Variants in KCNK2 observed in about 807,000 individuals in gnomAD.
The protein encoded by KCNK2 is potassium channel subfamily K member 2.
Under a neutral mutation model 40.5 loss-of-function variants are expected in KCNK2, and 21 were observed. The observed-to-expected ratio is 0.52, with a 90% CI of 0.37 to 0.75. The LOEUF is 0.75. KCNK2 is among the 30% of genes least tolerant of loss of function. The probability of loss-of-function intolerance (pLI) is 0.00; values close to 1 mark genes in which losing one functional copy is unlikely to be tolerated. For synonymous variants in KCNK2, 191 were observed against 202.2 expected (o/e 0.94, Z 0.47); for missense variants, 399 against 531.6 (o/e 0.75, Z 2.45).
chr1:215,124,558 C>A (rs544983946), intron 2 of KCNK2, 75 bp from the exon 3 acceptor site: 8 of 846,246 alleles, frequency 9.5e-6, no homozygotes, highest in Non-Finnish European at 1.6e-5. Flanking sequence ...TAAGTCATTT[C>A]TGGGGTGGAA....
rs987235938 is a variant in KCNK2, at chr1:215,132,144, C to T, written c.475+7394C>T. Among the ~76,000 whole-genome samples the T allele has an allele frequency of 4.6e-5, 7 of 152,304 alleles. No homozygotes were observed. In the East Asian group the frequency reaches 1.4e-3, roughly 29 times the overall value. ...ACACCGCAAAGCCTATGCTTGTTTT[C>T]AGCAGGGAGTCTAATACCTTTCTTT... On this transcript the variant is annotated intron_variant, in intron 3 of 6. Coordinates refer to ENST00000444842, the MANE Select transcript of KCNK2 (RefSeq NM_001017425.3).
At chr1:215,176,286 G>A (rs779594074) in intron 5 of KCNK2, among the ~76,000 whole-genome samples, 6 of 151,998 alleles carry the variant, frequency 3.9e-5, no homozygotes, top group South Asian at 4.1e-4. Flanking sequence ...AGAAACTTGT[G>A]TGTCTTCTTT....
intron 1 of KCNK2, among the ~76,000 whole-genome samples, chr1:215,069,863 G>A (rs974029779): frequency 7.9e-5 from 12 of 152,164 alleles, no homozygotes; most frequent in African/African-American, 2.9e-4. Flanking sequence ...CAATGTACCC[G>A]AAGTCCCTTG....
intron 2 of KCNK2, among the ~76,000 whole-genome samples, chr1:215,103,174 T>C (rs566776983): frequency 4.6e-5 from 7 of 151,894 alleles, no homozygotes; most frequent in Middle Eastern, 3.4e-3. Context: ...TGGGACGATA[T>C]AGGGAGAGAG....
intron 3 of KCNK2, among the ~76,000 whole-genome samples, chr1:215,168,032 C>A (rs11120514): frequency 0.014 from 2,128 of 151,732 alleles, 51 homozygotes; most frequent in African/African-American, 0.046. Flanking sequence ...AGAAAAAAAA[C>A]CGATAAAAAA....
chr1:215,148,369 C>G (rs1662531445), intron 3 of KCNK2, among the ~76,000 whole-genome samples: 1 of 151,898 alleles, frequency 6.6e-6, no homozygotes, highest in Admixed American at 6.6e-5. Context: ...CCCACCATGC[C>G]TGTACATTAA....
rs113803498 is a variant in KCNK2 at position 215,172,316 on chromosome 1, G to A, written c.823+133G>A. On this transcript the variant is annotated intron_variant, in intron 5 of 6. Transcript: ENST00000444842. ...TGACATACCCAAGTACCATAAAGTG[G>A]GTGGCTTTAAACAAAGCAAATTCAT... 469 of 769,388 alleles carry A rather than the reference G, an allele frequency of 6.1e-4. 5 individuals carry two copies. In the African/African-American group the frequency reaches 7.2e-3, roughly 12 times the overall value. The allele number at this position is 769,388 out of a possible 1,614,324, so 47.7% of individuals were successfully genotyped here.
At chr1:215,234,166 G>A (rs1666782324) in intron 6 of KCNK2, among the ~76,000 whole-genome samples, 1 of 152,114 alleles carries the variant, frequency 6.6e-6, no homozygotes, top group Non-Finnish European at 1.5e-5. Context: ...TTTCCCAAGT[G>A]GGCTTCAAGG....
chr1:215,035,356 C>T (rs1657348277), intron 1 of KCNK2, among the ~76,000 whole-genome samples: 1 of 152,054 alleles, frequency 6.6e-6, no homozygotes, highest in African/African-American at 2.4e-5. Context: ...AATCTACCAT[C>T]CCAGTGCCAT....
Position 215,235,328 on chromosome 1 carries a change from A to C in KCNK2, c.*183A>C, listed in dbSNP as rs1666837967. The C allele has an allele frequency of 1.8e-6, 1 of 550,792 alleles. No homozygotes were observed. The highest frequency in any genetic ancestry group is 1.9e-5 in the African/African-American group (1 of 53,366). The allele number at this position is 550,792 out of a possible 1,614,324, so 34.1% of individuals were successfully genotyped here. On this transcript the variant is annotated 3_prime_UTR_variant, in exon 7 of 7. Coordinates refer to ENST00000444842, the MANE Select transcript of KCNK2 (RefSeq NM_001017425.3). ...ATTCTGAGCCAGCACTTTCTTTCTG[A>C]TGATGCTTGTTGAACGGTCCACTTT...
intron 1 of KCNK2, among the ~76,000 whole-genome samples, chr1:215,054,443 G>A (rs1571872868): frequency 6.6e-6 from 1 of 152,288 alleles, no homozygotes; most frequent in East Asian, 1.9e-4. Flanking sequence ...CATCACATGA[G>A]TATAAAAGGT....
At chr1:215,024,950 T>TG (rs1393536457) in intron 1 of KCNK2, among the ~76,000 whole-genome samples, 126 of 63,554 alleles carry the variant, frequency 2.0e-3, no homozygotes, top group African/African-American at 4.0e-3. Flanking sequence ...CAGGAGTTTT[T>TG]TTTTTTTTTT....
At chr1:215,068,316 A>T (rs1658629942) in intron 1 of KCNK2, among the ~76,000 whole-genome samples, 2 of 152,174 alleles carry the variant, frequency 1.3e-5, no homozygotes, top group African/African-American at 4.8e-5. Flanking sequence ...ACATTGCCAG[A>T]AATATGCAGG....
chr1:215,231,356 T>C (rs1282585917), intron 6 of KCNK2, among the ~76,000 whole-genome samples: 1 of 152,112 alleles, frequency 6.6e-6, no homozygotes, highest in Non-Finnish European at 1.5e-5. Flanking sequence ...ATAAATATTA[T>C]GCAATAAACG....
intron 5 of KCNK2, among the ~76,000 whole-genome samples, chr1:215,179,178 T>A (rs1664119488): frequency 6.6e-6 from 1 of 152,122 alleles, no homozygotes; most frequent in Non-Finnish European, 1.5e-5. Flanking sequence ...TCTTTTGGAC[T>A]TCTGTGGGAC....
chr1:215,159,405 TGAG>T (rs1298067210), intron 3 of KCNK2, among the ~76,000 whole-genome samples: 2 of 152,186 alleles, frequency 1.3e-5, no homozygotes, highest in Admixed American at 1.3e-4. Context: ...TGTGTTCCAT[TGAG>T]GAGACACTGG....
At chr1:215,163,587 T>C (rs1663306621) in intron 3 of KCNK2, among the ~76,000 whole-genome samples, 1 of 152,140 alleles carries the variant, frequency 6.6e-6, no homozygotes. Flanking sequence ...TTTTGAGATA[T>C]GTTACATCGG....
intron 2 of KCNK2, among the ~76,000 whole-genome samples, chr1:215,097,504 T>TA (rs1660031140): frequency 4.7e-5 from 2 of 42,744 alleles, no homozygotes; most frequent in South Asian, 1.3e-3. Flanking sequence ...TAAAGAAAAA[T>TA]TTTTTTTTGG....
chr1:215,179,264 G>T (rs1238856823), intron 5 of KCNK2, among the ~76,000 whole-genome samples: 1 of 151,754 alleles, frequency 6.6e-6, no homozygotes, highest in Non-Finnish European at 1.5e-5. Context: ...TGTTAATCTA[G>T]CTGTCTATTG....
Sources: allele counts gnomAD v4.1 joint callset (sites outside exome capture counted in the v4.1 genomes callset), GRCh38; gene constraint gnomAD v4.1.1; transcripts MANE v1.5; gene names NCBI Gene and HGNC (gene_info 2026-07-23, HGNC 2026-07-21).